CIT: variants seen among roughly 807,000 people sequenced by gnomAD.
The protein encoded by CIT is citron rho-interacting serine/threonine kinase, also known as citron Rho-interacting kinase.
A neutral mutation model predicts 272.7 loss-of-function variants in CIT; 79 were observed. That is an observed-to-expected ratio of 0.29 (90% CI 0.24 to 0.35). The LOEUF (loss-of-function observed/expected upper bound fraction) is 0.35, where lower values mean the gene tolerates loss of function less well. Ranked by LOEUF, CIT falls within the 10% of genes least tolerant of loss-of-function variation. The probability of loss-of-function intolerance (pLI) is 1.00; values close to 1 mark genes in which losing one functional copy is unlikely to be tolerated. For synonymous variants in CIT, 948 were observed against 995.6 expected, an observed-to-expected ratio of 0.95 and a Z score of 0.90; for missense variants, 1,909 against 2,618.3, an observed-to-expected ratio of 0.73 and a Z score of 5.91.
intron 28 of CIT, among the ~76,000 whole-genome samples, chr12:119,722,376 C>G (rs1185739318): frequency 6.6e-6 from 1 of 152,306 alleles, no homozygotes; most frequent in East Asian, 1.9e-4. Context: ...TAAACATCAT[C>G]ACTGGAGATT....
At chr12:119,873,885 A>G (rs1950759038) in intron 2 of CIT, among the ~76,000 whole-genome samples, 1 of 152,180 alleles carries the variant, frequency 6.6e-6, no homozygotes, top group Admixed American at 6.5e-5. Flanking sequence ...CAAATTTAGT[A>G]TTAATATTAT....
Position 119,718,826 on chromosome 12 carries a change from TA to T in CIT, c.3875del (p.Leu1292TyrfsTer12). On this transcript the variant is annotated frameshift_variant, in exon 31 of 48. Transcript: ENST00000392521. LOFTEE classifies it high-confidence loss of function. This position sits in a 1 kb window ranked among gnomAD's most constrained non-coding sequence, Gnocchi z 4.8. The stretch of plus-strand genomic sequence containing the variant: ...TGTACTGCAGAGGAACCTGTGTGGG[TA>T]AAGCAGGGTCCTCTTTCCGTCGACT... ...LFSRRKEDPA[L>X]PTQVPLQYNE... 6.2e-7 allele frequency: 1 copy of T among 1,614,124 alleles called. No individual in the cohort carries two copies. Among genetic ancestry groups the T allele is most frequent in the Non-Finnish European group, 8.5e-7 (1 of 1,180,020 alleles).
chr12:119,834,732 A>C (rs1968879399), intron 5 of CIT, among the ~76,000 whole-genome samples: 1 of 152,242 alleles, frequency 6.6e-6, no homozygotes, highest in Non-Finnish European at 1.5e-5. Flanking sequence ...ATCCCCTTTG[A>C]CCTAGTAATT....
chr12:119,755,000 C>T (rs1308985012), intron 22 of CIT, among the ~76,000 whole-genome samples: 1 of 152,134 alleles, frequency 6.6e-6, no homozygotes, highest in Non-Finnish European at 1.5e-5. Flanking sequence ...GCGAGTCTCC[C>T]GTGATCTTGC....
At chr12:119,800,352 A>G (rs572496909) in intron 10 of CIT, among the ~76,000 whole-genome samples, 1 of 152,308 alleles carries the variant, frequency 6.6e-6, no homozygotes, top group East Asian at 1.9e-4. Context: ...AGGAACTCCC[A>G]CTACGCCTCA....
chr12:119,870,146 G>A (rs1019595362), intron 2 of CIT, among the ~76,000 whole-genome samples: 2 of 152,120 alleles, frequency 1.3e-5, no homozygotes, highest in Non-Finnish European at 2.9e-5. Flanking sequence ...TACTTTAAGC[G>A]CTGGAGTCTA....
At chr12:119,736,605 G>A (rs376871320) in intron 24 of CIT, among the ~76,000 whole-genome samples, 2 of 152,196 alleles carry the variant, frequency 1.3e-5, no homozygotes, top group East Asian at 3.8e-4. Flanking sequence ...ACAAGAGGGG[G>A]AATAAAAGTT....
At chr12:119,786,427 C>T (rs1964803762) in intron 10 of CIT, among the ~76,000 whole-genome samples, 1 of 152,198 alleles carries the variant, frequency 6.6e-6, no homozygotes, top group African/African-American at 2.4e-5. Context: ...GAGAGAGATT[C>T]CAGGACAGCT....
intron 4 of CIT, among the ~76,000 whole-genome samples, chr12:119,856,829 G>A (rs1950185712): frequency 6.6e-6 from 1 of 152,158 alleles, no homozygotes; most frequent in Admixed American, 6.6e-5. Context: ...TTTAAACACT[G>A]AAAATAGCAA....
At chr12:119,762,493 TC>T (rs1961929074) in intron 19 of CIT, among the ~76,000 whole-genome samples, 1 of 152,160 alleles carries the variant, frequency 6.6e-6, no homozygotes, top group Non-Finnish European at 1.5e-5. Flanking sequence ...TCATAAAGAT[TC>T]CAGTAGGGAA....
At chr12:119,815,533 C>G (rs1350078140) in intron 9 of CIT, among the ~76,000 whole-genome samples, 1 of 151,928 alleles carries the variant, frequency 6.6e-6, no homozygotes, top group Non-Finnish European at 1.5e-5. Flanking sequence ...ATGGAGAAAC[C>G]CCATCTCTAC....
At chr12:119,829,741 A>AGGTCCTAGAGT (rs1406491361) in intron 7 of CIT, among the ~76,000 whole-genome samples, 2 of 152,218 alleles carry the variant, frequency 1.3e-5, no homozygotes, top group Non-Finnish European at 2.9e-5. Flanking sequence ...CCTAAGTCAC[A>AGGTCCTAGAGT]CAGCAGGTCC....
At chr12:119,788,767 A>G (rs999429404) in intron 10 of CIT, among the ~76,000 whole-genome samples, 5 of 152,214 alleles carry the variant, frequency 3.3e-5, no homozygotes, top group Non-Finnish European at 5.9e-5. Flanking sequence ...ACCATGCGAC[A>G]GCCCTCCTCA....
intron 4 of CIT, 129 bp from the exon 5 acceptor site, chr12:119,850,404 G>T: frequency 2.6e-6 from 1 of 379,178 alleles, no homozygotes. Context: ...AGGAAAGAAG[G>T]GAAAAGAAAA....
chr12:119,823,906 G>C (rs1485318529), intron 8 of CIT, among the ~76,000 whole-genome samples: 1 of 151,636 alleles, frequency 6.6e-6, no homozygotes, highest in Non-Finnish European at 1.5e-5. Context: ...CAGGCATGGT[G>C]GTGGGCACCC....
chr12:119,869,308 C>A (rs926668797), intron 2 of CIT, 107 bp from the exon 3 acceptor site: 1 of 1,067,376 alleles, frequency 9.4e-7, no homozygotes, highest in African/African-American at 1.6e-5. Flanking sequence ...TAACTGCTCA[C>A]GACATGCTAA....
Position 119,685,866 on chromosome 12 carries a change from A to G in CIT, c.*2366T>C, listed in dbSNP as rs2136871209. 2 of 152,630 alleles carry G rather than the reference A, an allele frequency of 1.3e-5. 1 individual carries two copies. 9.5% of individuals were successfully genotyped at this position (152,630 alleles called of 1,614,324 possible). ...TTCCTCTCAAGGTGGATCTTGAATC[A>G]TTCCTTGTGTTCTCTTCCTCGTTCT... On this transcript the variant is annotated 3_prime_UTR_variant, in exon 48 of 48. Transcript: ENST00000392521.
In CIT at chr12:119,718,584, A is replaced by G; in HGVS notation, c.4003+115T>C. Reference sequence around the variant, plus strand: ...TTCAGACATGGGATGTCTGGTCTGAAAGCGTATGGGCCATAAACGAAGACA... The same window carrying G: ...TTCAGACATGGGATGTCTGGTCTGAGAGCGTATGGGCCATAAACGAAGACA... On this transcript the variant is annotated intron_variant, in intron 31 of 47. Transcript: ENST00000392521. This position sits in a 1 kb window ranked among gnomAD's most constrained non-coding sequence, Gnocchi z 4.8. 6.9e-7 allele frequency: 1 copy of G among 1,451,114 alleles called. No homozygotes were observed. 89.9% of individuals were successfully genotyped at this position (1,451,114 alleles called of 1,614,324 possible). A position where few individuals can be genotyped will look rare whatever the true frequency, so the allele number is the denominator to read the frequency against.
chr12:119,806,516 A>T (rs1966613650), intron 9 of CIT, among the ~76,000 whole-genome samples: 1 of 152,148 alleles, frequency 6.6e-6, no homozygotes, highest in South Asian at 2.1e-4. Flanking sequence ...TAACATGACT[A>T]CTGGTCCAGG....
Sources: allele counts gnomAD v4.1 joint callset (sites outside exome capture counted in the v4.1 genomes callset), GRCh38; gene constraint gnomAD v4.1.1; non-coding constraint Gnocchi (gnomAD v3.1); transcripts MANE v1.5; gene names NCBI Gene and HGNC (gene_info 2026-07-23, HGNC 2026-07-21).